The following DSCAML1 variants were observed in gnomAD, a reference collection of about 807,000 sequenced individuals.
DSCAML1 encodes the protein DS cell adhesion molecule like 1.
In DSCAML1, 38 loss-of-function variants were observed where a neutral mutation model predicts 200.5. The observed-to-expected ratio is 0.19, with a 90% CI of 0.15 to 0.25. The LOEUF (loss-of-function observed/expected upper bound fraction) is 0.25, where lower values mean the gene tolerates loss of function less well. Among genes scored for constraint, DSCAML1 ranks in the 10% least tolerant of loss-of-function variants. The pLI, the probability that DSCAML1 is intolerant of heterozygous loss-of-function variation, is 1.00. For missense variants in DSCAML1, 2,223 were observed against 2,858.8 expected (o/e 0.78, Z 5.07); for synonymous variants, 1,215 against 1,165.0 (o/e 1.04, Z -0.87).
intron 1 of DSCAML1, among the ~76,000 whole-genome samples, chr11:117,781,346 A>G (rs76451580): frequency 0.027 from 4,044 of 152,106 alleles, 171 homozygotes; most frequent in African/African-American, 0.091. Context: ...AGAAAATCCC[A>G]GGATTTTTGG....
intron 1 of DSCAML1, among the ~76,000 whole-genome samples, chr11:117,788,114 T>C (rs780189507): frequency 4.6e-5 from 7 of 151,934 alleles, no homozygotes; most frequent in Non-Finnish European, 5.9e-5. Flanking sequence ...AAGGAGAGGG[T>C]TGAGTTTCCC....
chr11:117,745,164 G>A (rs112664985), intron 3 of DSCAML1, among the ~76,000 whole-genome samples: 169 of 152,146 alleles, frequency 1.1e-3, no homozygotes, highest in African/African-American at 3.9e-3. Flanking sequence ...ATCTGGGTGG[G>A]GGGGATGACA....
intron 1 of DSCAML1, among the ~76,000 whole-genome samples, chr11:117,816,080 C>T (rs762858043): frequency 1.3e-5 from 2 of 152,070 alleles, no homozygotes; most frequent in Non-Finnish European, 2.9e-5. Context: ...TGGGAATGAA[C>T]GTTTGAAGTT....
At position 117,498,403 on chromosome 11, in the gene DSCAML1, T is replaced by A. The variant is rs1468514183; in HGVS notation, c.2359+5442A>T. The stretch of plus-strand genomic sequence containing the variant: ...CTGTGGAGGAGCCCTCGGGAGGTCC[T>A]GGAAGCAGGGAATTCCCTGGGTACC... On this transcript the variant is annotated intron_variant, in intron 11 of 32. Coordinates refer to ENST00000651296, the MANE Select transcript of DSCAML1 (RefSeq NM_020693.4). This position sits in a 1 kb window ranked among gnomAD's most constrained non-coding sequence, Gnocchi z 4.0. Among the ~76,000 whole-genome samples the A allele has an allele frequency of 6.6e-6, 1 of 152,174 alleles. No homozygotes were observed. Among genetic ancestry groups the A allele is most frequent in the Non-Finnish European group, 1.5e-5 (1 of 68,032 alleles).
At chr11:117,674,271 T>C (rs1460655128) in intron 3 of DSCAML1, among the ~76,000 whole-genome samples, 1 of 152,188 alleles carries the variant, frequency 6.6e-6, no homozygotes, top group African/African-American at 2.4e-5. Flanking sequence ...TGCTCCTTTC[T>C]GGCTTTCCAG....
chr11:117,769,072 A>G (rs1344253790), intron 3 of DSCAML1, among the ~76,000 whole-genome samples: 1 of 6,694 alleles, frequency 1.5e-4, no homozygotes, highest in Non-Finnish European at 8.1e-4. Context: ...AAAAATATAT[A>G]TATAATCTAT....
At chr11:117,746,107 A>G (rs2054513556) in intron 3 of DSCAML1, among the ~76,000 whole-genome samples, 1 of 149,730 alleles carries the variant, frequency 6.7e-6, no homozygotes, top group South Asian at 2.1e-4. Flanking sequence ...CTGTAGTCCC[A>G]GTTACCTGGG....
At chr11:117,560,297 T>A (rs2050637679) in intron 3 of DSCAML1, among the ~76,000 whole-genome samples, 1 of 152,142 alleles carries the variant, frequency 6.6e-6, no homozygotes, top group Admixed American at 6.5e-5. Context: ...CACAGCAACT[T>A]CAGGAGGTGC....
At position 117,654,845 on chromosome 11, in the gene DSCAML1, G is replaced by A. The variant is rs570910682; in HGVS notation, c.511+121946C>T. On this transcript the variant is annotated intron_variant, in intron 3 of 32. Transcript: ENST00000651296. The stretch of plus-strand genomic sequence containing the variant: ...GCACTGAGCGGGTGGAGGAAACGGC[G>A]GGTAGGAACGGCAATGCTTTATTCC... Among the ~76,000 whole-genome samples, 3 of 151,986 alleles carry A rather than the reference G, an allele frequency of 2.0e-5. 1 individual carries two copies. The highest frequency in any genetic ancestry group is 4.8e-5 in the African/African-American group (2 of 41,440).
chr11:117,678,040 G>A (rs1329924804), intron 3 of DSCAML1, among the ~76,000 whole-genome samples: 1 of 152,264 alleles, frequency 6.6e-6, no homozygotes. Context: ...CCTGCATGGG[G>A]AGCAGTGCAG....
chr11:117,477,595 C>G (rs760642984), intron 14 of DSCAML1, among the ~76,000 whole-genome samples: 17 of 152,038 alleles, frequency 1.1e-4, no homozygotes, highest in Non-Finnish European at 1.8e-4. Flanking sequence ...AATTGCTGCA[C>G]GAGGTATTTG....
chr11:117,472,096 C>A, intron 14 of DSCAML1, 60 bp from the exon 15 acceptor site: 1 of 1,589,806 alleles, frequency 6.3e-7, no homozygotes, highest in Non-Finnish European at 8.6e-7. Context: ...CCCTTCCCAG[C>A]CTGAAGTACC....
chr11:117,707,840 A>G (rs2053782157), intron 3 of DSCAML1, among the ~76,000 whole-genome samples: 1 of 152,156 alleles, frequency 6.6e-6, no homozygotes, highest in Admixed American at 6.5e-5. Context: ...GCCCCAAGGA[A>G]GCTTTTCAAC....
chr11:117,532,365 C>T lies in DSCAML1; in HGVS notation c.658+11G>A, dbSNP rs756173389. The T allele has an allele frequency of 7.4e-6, 12 of 1,612,136 alleles. No individual in the cohort carries two copies. The highest frequency in any genetic ancestry group is 1.7e-5 in the Admixed American group (1 of 59,810). ...CAGCCTGCCCCGTTCTCCCCAGGCC[C>T]TCTCCCCTACCTGTCACAGAGAGGC... is the stretch of plus-strand genomic sequence containing the variant. On this transcript the variant is annotated intron_variant, in intron 4 of 32. Transcript: ENST00000651296.
chr11:117,573,142 C>T (rs529017680), intron 3 of DSCAML1, among the ~76,000 whole-genome samples: 10 of 152,314 alleles, frequency 6.6e-5, no homozygotes, highest in African/African-American at 1.9e-4. Flanking sequence ...GAAGCTCACA[C>T]GTGTCCTGTC....
intron 26 of DSCAML1, among the ~76,000 whole-genome samples, chr11:117,436,909 A>G (rs1468371785): frequency 1.3e-5 from 2 of 152,166 alleles, no homozygotes. Flanking sequence ...GTCCATCTGT[A>G]GTGGCCATTG....
intron 3 of DSCAML1, among the ~76,000 whole-genome samples, chr11:117,753,159 G>A (rs959197116): frequency 2.0e-5 from 3 of 152,204 alleles, no homozygotes; most frequent in African/African-American, 7.2e-5. Flanking sequence ...CATTTAAAAT[G>A]CACCTCCCAG....
chr11:117,811,037 TCTC>T, intron 1 of DSCAML1, among the ~76,000 whole-genome samples: 1 of 152,162 alleles, frequency 6.6e-6, no homozygotes, highest in East Asian at 1.9e-4. Flanking sequence ...TTTTATCGCC[TCTC>T]CTCCTCACAC....
At chr11:117,802,086 C>G (rs192223025), upstream of DSCAML1, 1 of 152,254 alleles carries the variant, frequency 6.6e-6, no homozygotes, top group African/African-American at 2.4e-5. Context: ...GCTAAACTTG[C>G]TGGCTTCCCA....
Sources: allele counts gnomAD v4.1 joint callset (sites outside exome capture counted in the v4.1 genomes callset), GRCh38; gene constraint gnomAD v4.1.1; non-coding constraint Gnocchi (gnomAD v3.1); transcripts MANE v1.5; gene names NCBI Gene and HGNC (gene_info 2026-07-23, HGNC 2026-07-21).